The following USP42 variants were observed in gnomAD, a reference collection of about 807,000 sequenced individuals.
The protein encoded by USP42 is ubiquitin carboxyl-terminal hydrolase 42.
USP42 carries 23 observed loss-of-function variants against 113.0 expected under a neutral mutation model. The observed-to-expected ratio is 0.20, with a 90% confidence interval of 0.15 to 0.29. The LOEUF (loss-of-function observed/expected upper bound fraction) is 0.29. USP42 is among the 10% of genes least tolerant of loss of function. The pLI, the probability that USP42 is intolerant of heterozygous loss-of-function variation, is 1.00. For missense variants in USP42, 2,174 were observed against 1,779.8 expected, an observed-to-expected ratio of 1.22 and a Z score of -3.99; for synonymous variants, 933 against 699.0, an observed-to-expected ratio of 1.33 and a Z score of -5.28.
At chr7:6,138,687 G>T (rs560714514) in intron 4 of USP42, among the ~76,000 whole-genome samples, 1 of 152,292 alleles carries the variant, frequency 6.6e-6, no homozygotes, top group African/African-American at 2.4e-5. Flanking sequence ...ATCCCCACCT[G>T]AGCTCCGCCT....
chr7:6,160,056 G>T (rs371139737), intron 17 of USP42, among the ~76,000 whole-genome samples: 1 of 152,228 alleles, frequency 6.6e-6, no homozygotes, highest in African/African-American at 2.4e-5. Context: ...TTCACACAGC[G>T]GTCCTGGGAG....
In USP42 at chr7:6,157,340, C is replaced by T; in HGVS notation, c.3943+285C>T. On this transcript the variant is annotated intron_variant, in intron 16 of 17. Coordinates refer to ENST00000306177, the MANE Select transcript of USP42 (RefSeq NM_032172.3). This position sits in a 1 kb window ranked among gnomAD's most constrained non-coding sequence, Gnocchi z 4.1. The stretch of plus-strand genomic sequence containing the variant: ...GGAACGTACAGCTCTAGGCATCTGA[C>T]TTTGCCTTGCAAAGGACCAGAACTC... 9.2e-7 allele frequency: 1 copy of T among 1,088,612 alleles called. No homozygotes were observed. The highest frequency in any genetic ancestry group is 1.1e-6 in the Non-Finnish European group (1 of 897,186). The allele number at this position is 1,088,612 out of a possible 1,614,324, so 67.4% of individuals were successfully genotyped here.
the USP42 span, among the ~76,000 whole-genome samples, chr7:6,083,288 C>A: frequency 6.8e-6 from 1 of 146,772 alleles, no homozygotes; most frequent in East Asian, 2.0e-4. Flanking sequence ...TACAGTCTAG[C>A]GCTGTGGCCC....
rs994966573 is a variant in USP42 at position 6,159,961 on chromosome 7, C to T, written c.*36+468C>T. On this transcript the variant is annotated intron_variant, in intron 17 of 17. Coordinates refer to ENST00000306177, the MANE Select transcript of USP42 (RefSeq NM_032172.3). This position sits in a 1 kb window ranked among gnomAD's most constrained non-coding sequence, Gnocchi z 4.1. Reference sequence around the variant, plus strand: ...TGAGCTGGAGCCAGCACCCCCCCAGCAGCCACCGTACAAAACCATAGGAAG... The same window carrying T: ...TGAGCTGGAGCCAGCACCCCCCCAGTAGCCACCGTACAAAACCATAGGAAG... Among the ~76,000 whole-genome samples, 6 of 152,260 alleles carry T rather than the reference C, an allele frequency of 3.9e-5. No individual in the cohort carries two copies. Among genetic ancestry groups the T allele is most frequent in the Admixed American group, 1.3e-4 (2 of 15,290 alleles).
chr7:6,138,641 C>T (rs774251710), intron 4 of USP42, among the ~76,000 whole-genome samples: 5 of 152,208 alleles, frequency 3.3e-5, no homozygotes, highest in Non-Finnish European at 5.9e-5. Context: ...CTGTTAGGAA[C>T]TGGGCTGCAC....
At chr7:6,160,426 A>T (rs1782707170) in intron 17 of USP42, 129 bp from the exon 18 acceptor site, 1 of 124,306 alleles carries the variant, frequency 8.0e-6, no homozygotes, top group Non-Finnish European at 1.7e-5. Flanking sequence ...GAAGGCAGAG[A>T]AGGCAGAGTG....
At chr7:6,098,109 T>C in the USP42 span, among the ~76,000 whole-genome samples, 6 of 148,358 alleles carry the variant, frequency 4.0e-5, no homozygotes, top group Non-Finnish European at 7.5e-5. Context: ...TTCACCATGT[T>C]GGCCAGGATG....
chr7:6,118,064 C>CT (rs1217547679), intron 3 of USP42, among the ~76,000 whole-genome samples: 12 of 151,076 alleles, frequency 7.9e-5, no homozygotes, highest in Non-Finnish European at 1.0e-4. Context: ...AATTTCATTT[C>CT]TTTTTTTTTC....
At chr7:6,092,112 T>TTCTTCC in the USP42 span, among the ~76,000 whole-genome samples, 1 of 145,486 alleles carries the variant, frequency 6.9e-6, no homozygotes, top group African/African-American at 2.7e-5. Context: ...CTTCTTCTTC[T>TTCTTCC]TCTTCCTCTT....
chr7:6,097,757 A>T, the USP42 span, among the ~76,000 whole-genome samples: 2 of 148,996 alleles, frequency 1.3e-5, no homozygotes, highest in Non-Finnish European at 3.0e-5. Context: ...TGCCCCGCTA[A>T]TTTTTTGCAT....
At chr7:6,155,480 C>G (rs1188722485) in intron 15 of USP42, among the ~76,000 whole-genome samples, 2 of 152,204 alleles carry the variant, frequency 1.3e-5, no homozygotes, top group Admixed American at 6.5e-5. Context: ...CTTTATAACT[C>G]TTCCAGGAGT....
intron 2 of USP42, among the ~76,000 whole-genome samples, chr7:6,115,031 C>A (rs59136955): frequency 0.033 from 5,001 of 152,016 alleles, 278 homozygotes; most frequent in African/African-American, 0.12. Context: ...GAGCAGCATC[C>A]AAATGAAGTC....
At chr7:6,115,961 A>G in intron 3 of USP42, among the ~76,000 whole-genome samples, 1 of 152,048 alleles carries the variant, frequency 6.6e-6, no homozygotes, top group East Asian at 1.9e-4. Flanking sequence ...AAATTAGTCT[A>G]GCATGGCAGC....
chr7:6,093,737 T>C, the USP42 span, among the ~76,000 whole-genome samples: 1 of 150,566 alleles, frequency 6.6e-6, no homozygotes, highest in East Asian at 1.9e-4. Context: ...ATATGGTAGG[T>C]ACTTCTTTTG....
In USP42 at chr7:6,149,794, G is replaced by A. The variant is rs767024148; in HGVS notation, c.1598G>A (p.Arg533His). 1.4e-5 allele frequency: 23 copies of A among 1,613,862 alleles called. No individual in the cohort carries two copies. The highest frequency in any genetic ancestry group is 2.2e-5 in the East Asian group (1 of 44,904). ...TISIHNKLPV[R>H]QCQSQPNLHS... ...AGTATTCACAACAAGTTGCCTGTTC[G>A]CCAGTGTCAGTCTCAACCTAACCTT... Residue 533 changes from arginine (R) to histidine (H), a missense_variant, in exon 13 of 18, where the codon CGC becomes CAC. By Grantham distance (29) the Arg-to-His change is conservative. Transcript: ENST00000306177.
Position 6,149,662 on chromosome 7 carries a change from G to T in USP42, c.1466G>T (p.Ser489Ile), listed in dbSNP as rs1216487877. The change falls in exon 13 of 18, where the codon AGT becomes ATT. Residue 489 changes from serine to isoleucine, a missense_variant. Ser to Ile is a moderately radical substitution (Grantham distance 142). Coordinates refer to ENST00000306177, the MANE Select transcript of USP42 (RefSeq NM_032172.3). ...SSMSSPNGNS[S>I]VNRASPVNAS... ...ATGTCGAGTCCTAACGGGAATTCCA[G>T]TGTCAACAGGGCTAGTCCTGTTAAT... is the stretch of plus-strand genomic sequence containing the variant. 2 of 1,613,958 alleles carry T rather than the reference G, an allele frequency of 1.2e-6. No homozygotes were observed. The highest frequency in any genetic ancestry group is 1.7e-6 in the Non-Finnish European group (2 of 1,179,896).
At chr7:6,104,645 G>A (rs1362517935), upstream of USP42, among the ~76,000 whole-genome samples, 2 of 152,168 alleles carry the variant, frequency 1.3e-5, no homozygotes, top group Non-Finnish European at 2.9e-5. Context: ...AGCACAGGGC[G>A]GAAGGAGCCC....
At chr7:6,107,377 TA>T (rs1779347008) in intron 1 of USP42, among the ~76,000 whole-genome samples, 1 of 151,988 alleles carries the variant, frequency 6.6e-6, no homozygotes, top group African/African-American at 2.4e-5. Context: ...TTATATTTCT[TA>T]CAACTCTATT....
the USP42 span, among the ~76,000 whole-genome samples, chr7:6,084,213 G>A: frequency 1.3e-5 from 2 of 150,956 alleles, no homozygotes; most frequent in Non-Finnish European, 2.9e-5. Context: ...TTTTAGTAGA[G>A]ACAGGGTTTC....
Sources: gnomAD v4.1 joint callset for allele counts (sites outside exome capture counted in the v4.1 genomes callset) on GRCh38, gnomAD v4.1.1 for gene constraint, Gnocchi (gnomAD v3.1) non-coding constraint, MANE v1.5 for transcripts, NCBI Gene and HGNC (gene_info 2026-07-23, HGNC 2026-07-21) for gene names.